ZNF654: variants seen among roughly 807,000 people sequenced by gnomAD.
ZNF654 encodes zinc finger protein 654.
ZNF654 carries 19 observed loss-of-function variants against 95.3 expected under a neutral mutation model. That is an observed-to-expected ratio of 0.20 (90% CI 0.14 to 0.29). The LOEUF is 0.29. Ranked by LOEUF, ZNF654 falls within the 10% of genes least tolerant of loss-of-function variation. The pLI, the probability that ZNF654 is intolerant of heterozygous loss-of-function variation, is 1.00. For synonymous variants in ZNF654, 413 were observed against 457.9 expected (o/e 0.90, Z 1.25); for missense variants, 1,046 against 1,341.0 (o/e 0.78, Z 3.44).
chr3:88,116,287 G>C lies in ZNF654; in HGVS notation c.414+3091G>C, dbSNP rs1254645905. On this transcript the variant is annotated intron_variant, in intron 3 of 8. Transcript: ENST00000636215. ...TGTAATCCCAGCACTTTGGGAGGCC[G>C]AGGCGGGCAGATCACCTGAGGGTGG... Among the ~76,000 whole-genome samples, 20 of 152,168 alleles carry C rather than the reference G, an allele frequency of 1.3e-4. 1 individual carries two copies. The East Asian group carries it at 3.9e-3, about 29-fold the overall frequency.
intron 2 of ZNF654, among the ~76,000 whole-genome samples, chr3:88,103,716 C>T (rs962547301): frequency 9.4e-5 from 14 of 148,372 alleles, no homozygotes; most frequent in Non-Finnish European, 2.1e-4. Context: ...AGTTAAAACA[C>T]AATGAAGTGA....
chr3:88,080,872 A>G (rs188475565), intron 1 of ZNF654, among the ~76,000 whole-genome samples: 3 of 152,358 alleles, frequency 2.0e-5, no homozygotes, highest in Non-Finnish European at 4.4e-5. Flanking sequence ...AGAATGCAGT[A>G]CAGCTATCAA....
intron 3 of ZNF654, among the ~76,000 whole-genome samples, chr3:88,117,945 TAA>T (rs5850829): frequency 2.5e-4 from 37 of 147,776 alleles, no homozygotes; most frequent in Non-Finnish European, 3.0e-4. Context: ...AATAGATGAT[TAA>T]AAAAAAAAAA....
chr3:88,076,661 T>G lies in ZNF654; in HGVS notation c.187-9596T>G, dbSNP rs533674443. ...GTTGGTGTTTGTTCATCTGTTATTT[T>G]AATTTGATCTTCATGTACTTCTTGT... On this transcript the variant is annotated intron_variant, in intron 1 of 8. Coordinates refer to ENST00000636215, the MANE Select transcript of ZNF654 (RefSeq NM_001350134.2). Among the ~76,000 whole-genome samples the G allele has an allele frequency of 4.6e-5, 7 of 152,344 alleles. No homozygotes were observed. The South Asian group carries it at 1.5e-3, about 32-fold the overall frequency.
At position 88,071,196 on chromosome 3, in the gene ZNF654, T is replaced by C. The variant is rs569342511; in HGVS notation, c.186+11691T>C. Among the ~76,000 whole-genome samples the C allele has an allele frequency of 8.2e-4, 125 of 152,324 alleles. 1 individual carries two copies. The highest frequency in any genetic ancestry group is 2.8e-3 in the African/African-American group (118 of 41,572). On this transcript the variant is annotated intron_variant, in intron 1 of 8. Transcript: ENST00000636215. ...TGATTTTATTTAAAAAGTAAGAAAT[T>C]ATTATCTCGTTTCTTAAAAACTTCT...
chr3:88,114,568 A>T (rs1705276127), intron 3 of ZNF654, among the ~76,000 whole-genome samples: 1 of 152,066 alleles, frequency 6.6e-6, no homozygotes, highest in Non-Finnish European at 1.5e-5. Flanking sequence ...TAATTTCCAT[A>T]TACTACCTGC....
Position 88,141,822 on chromosome 3 carries a change from C to T in ZNF654, c.*170C>T. On this transcript the variant is annotated 3_prime_UTR_variant, in exon 9 of 9. Transcript: ENST00000636215. The stretch of plus-strand genomic sequence containing the variant: ...TCTAGAATGAACTCACAGAGATGTG[C>T]TGGCTTAGACTCCAAAAGGATTATA... 1 of 460,102 alleles carries T rather than the reference C, an allele frequency of 2.2e-6. No homozygotes were observed. Among genetic ancestry groups the T allele is most frequent in the Non-Finnish European group, 3.8e-6 (1 of 262,666 alleles). The allele number at this position is 460,102 out of a possible 1,614,324, so 28.5% of individuals were successfully genotyped here. A position where few individuals can be genotyped will look rare whatever the true frequency, so the allele number is the denominator to read the frequency against.
At chr3:88,131,753 T>A (rs1467326280) in intron 6 of ZNF654, among the ~76,000 whole-genome samples, 1 of 152,082 alleles carries the variant, frequency 6.6e-6, no homozygotes, top group Non-Finnish European at 1.5e-5. Context: ...TACCCTCTTA[T>A]TTCTTCTACC....
chr3:88,082,346 C>CT (rs1465705764), intron 1 of ZNF654, among the ~76,000 whole-genome samples: 2 of 152,146 alleles, frequency 1.3e-5, no homozygotes, highest in African/African-American at 4.8e-5. Context: ...AGGATGGTCT[C>CT]GATCTCTTGA....
chr3:88,083,218 A>G (rs9872602), intron 1 of ZNF654, among the ~76,000 whole-genome samples: 119,186 of 152,172 alleles, frequency 0.78, 47,607 homozygotes, highest in South Asian at 0.91. Flanking sequence ...AACTTTAGGA[A>G]GACAAAATTC....
intron 4 of ZNF654, among the ~76,000 whole-genome samples, chr3:88,127,990 T>G (rs1706220708): frequency 6.6e-6 from 1 of 152,204 alleles, no homozygotes; most frequent in Non-Finnish European, 1.5e-5. Flanking sequence ...TAGAAGCTAC[T>G]GATTAAATAT....
chr3:88,097,955 T>C (rs1323816946), intron 2 of ZNF654, among the ~76,000 whole-genome samples: 1 of 152,036 alleles, frequency 6.6e-6, no homozygotes, highest in African/African-American at 2.4e-5. Context: ...ATTCAAAAGC[T>C]AGCAGAAGAC....
intron 1 of ZNF654, among the ~76,000 whole-genome samples, chr3:88,060,832 TC>T (rs1476177092): frequency 1.3e-5 from 2 of 151,968 alleles, no homozygotes; most frequent in African/African-American, 4.8e-5. Flanking sequence ...TTGTAAGAAT[TC>T]CCTTACAAGC....
At chr3:88,117,051 T>C (rs917511875) in intron 3 of ZNF654, among the ~76,000 whole-genome samples, 4 of 152,104 alleles carry the variant, frequency 2.6e-5, no homozygotes, top group African/African-American at 9.7e-5. Context: ...ATATCTTCCA[T>C]GAATATAAGT....
chr3:88,100,469 CTGGGTATATACCCAGAGGATTATAAATCA>C (rs1287058859), intron 2 of ZNF654, among the ~76,000 whole-genome samples: 1 of 152,212 alleles, frequency 6.6e-6, no homozygotes, highest in Non-Finnish European at 1.5e-5. Context: ...CATCCCATTA[CTGGGTATATACCCAGAGGATTATAAATCA>C]TGCTGCGCAC....
At position 88,127,031 on chromosome 3, in the gene ZNF654, C is replaced by T. The variant is rs570063698; in HGVS notation, c.550+762C>T. 7.2e-5 allele frequency among the ~76,000 whole-genome samples: 11 copies of T among 152,202 alleles called. No homozygotes were observed. In the South Asian group the frequency reaches 1.5e-3, roughly 20 times the overall value. On this transcript the variant is annotated intron_variant, in intron 4 of 8. Transcript: ENST00000636215. The stretch of plus-strand genomic sequence containing the variant: ...TTTTTAAAATGTTCCCCATATCATT[C>T]CTGAACCCCAGAACATTTTGGATCA...
At chr3:88,063,952 C>A (rs1254398216) in intron 1 of ZNF654, among the ~76,000 whole-genome samples, 4 of 152,128 alleles carry the variant, frequency 2.6e-5, no homozygotes, top group African/African-American at 9.7e-5. Context: ...TGTCCTAAAT[C>A]CTACTTAATG....
intron 8 of ZNF654, 118 bp downstream of exon 8, chr3:88,141,166 C>A: frequency 8.8e-7 from 1 of 1,139,154 alleles, no homozygotes; most frequent in Non-Finnish European, 1.2e-6. Context: ...GGTAGTGAAG[C>A]ATTACTCCAT....
At chr3:88,061,349 G>A (rs913404841) in intron 1 of ZNF654, among the ~76,000 whole-genome samples, 1 of 152,134 alleles carries the variant, frequency 6.6e-6, no homozygotes, top group African/African-American at 2.4e-5. Flanking sequence ...AACAACAAAT[G>A]AAGTTGACTA....
Sources: allele counts gnomAD v4.1 joint callset (sites outside exome capture counted in the v4.1 genomes callset), GRCh38; gene constraint gnomAD v4.1.1; transcripts MANE v1.5; gene names NCBI Gene and HGNC (gene_info 2026-07-23, HGNC 2026-07-21).